The following HSD17B4 variants were observed in gnomAD, a reference collection of about 807,000 sequenced individuals.
HSD17B4 encodes the protein hydroxysteroid 17-beta dehydrogenase 4.
Under a neutral mutation model 101.0 loss-of-function variants are expected in HSD17B4, and 70 were observed. The ratio of observed to expected loss-of-function variants is 0.69; its 90% CI spans 0.57 to 0.85. The LOEUF (loss-of-function observed/expected upper bound fraction) is 0.85. HSD17B4 is among the 40% of genes least tolerant of loss of function. The pLI, the probability that HSD17B4 is intolerant of heterozygous loss-of-function variation, is 0.00. For synonymous variants in HSD17B4, 347 were observed against 297.1 expected (o/e 1.17, Z -1.73); for missense variants, 984 against 892.4 (o/e 1.10, Z -1.31).
intron 4 of HSD17B4, among the ~76,000 whole-genome samples, chr5:119,475,184 A>T (rs1423324296): frequency 2.0e-5 from 3 of 152,160 alleles, no homozygotes; most frequent in East Asian, 1.9e-4. Context: ...ATGTGAAATC[A>T]TAGGGTGAAA....
In HSD17B4 at chr5:119,506,735, G is replaced by C. The variant is rs542175501; in HGVS notation, c.1262-83G>C. 3.6e-5 allele frequency: 28 copies of C among 773,338 alleles called. No homozygotes were observed. In the Admixed American group the frequency reaches 4.7e-4, roughly 13 times the overall value. The allele number at this position is 773,338 out of a possible 1,614,324, so 47.9% of individuals were successfully genotyped here. On this transcript the variant is annotated intron_variant, in intron 14 of 23. Coordinates refer to ENST00000510025, the MANE Select transcript of HSD17B4 (RefSeq NM_000414.4). Reference sequence around the variant, plus strand: ...TTTTAGTTTTGCTGAGCTTACAGTGGAAATGCTATTAAATTCTTTCACATC... The same window carrying C: ...TTTTAGTTTTGCTGAGCTTACAGTGCAAATGCTATTAAATTCTTTCACATC...
At chr5:119,497,147 G>C (rs1003138234) in intron 12 of HSD17B4, among the ~76,000 whole-genome samples, 1 of 152,138 alleles carries the variant, frequency 6.6e-6, no homozygotes, top group Non-Finnish European at 1.5e-5. Flanking sequence ...GCTGCTGAAA[G>C]CTTATCATGA....
At chr5:119,496,465 T>A in intron 11 of HSD17B4, 78 bp from the exon 12 acceptor site, 4 of 820,962 alleles carry the variant, frequency 4.9e-6, no homozygotes, top group Non-Finnish European at 8.7e-6. Flanking sequence ...TAGGAATAAT[T>A]ATGTAGCATA....
At chr5:119,536,138 G>A (rs1308278444) in intron 22 of HSD17B4, 5 of 383,106 alleles carry the variant, frequency 1.3e-5, no homozygotes, top group Non-Finnish European at 2.5e-5. Flanking sequence ...GATCTTATAG[G>A]TGTCTATAAA....
At chr5:119,512,638 A>G (rs983023989) in intron 16 of HSD17B4, among the ~76,000 whole-genome samples, 3 of 152,230 alleles carry the variant, frequency 2.0e-5, no homozygotes, top group Non-Finnish European at 4.4e-5. Context: ...TAAATATAAA[A>G]TAAAGACATT....
chr5:119,542,225 T>C lies in HSD17B4; in HGVS notation c.*231T>C. The C allele has an allele frequency of 2.8e-6, 1 of 362,412 alleles. No individual in the cohort carries two copies. 22.4% of individuals were successfully genotyped at this position (362,412 alleles called of 1,614,324 possible). ...ATAATTATCCTTCTGTTCTTAGATC[T>C]GTATCTTCATAATAAAAAATTTTGC... is the stretch of plus-strand genomic sequence containing the variant. On this transcript the variant is annotated 3_prime_UTR_variant, in exon 24 of 24. Coordinates refer to ENST00000510025, the MANE Select transcript of HSD17B4 (RefSeq NM_000414.4).
At chr5:119,509,387 A>C (rs1751961040) in intron 16 of HSD17B4, 143 bp downstream of exon 16, 1 of 724,668 alleles carries the variant, frequency 1.4e-6, no homozygotes. Context: ...CTGGGACACC[A>C]AGACCAGTCC....
chr5:119,484,371 G>A (rs1313661459), intron 8 of HSD17B4, among the ~76,000 whole-genome samples: 1 of 152,036 alleles, frequency 6.6e-6, no homozygotes, highest in Non-Finnish European at 1.5e-5. Flanking sequence ...ATTGATCTGT[G>A]TGCCTGTCCT....
intron 11 of HSD17B4, 41 bp from the exon 12 acceptor site, chr5:119,496,502 A>T: frequency 9.4e-7 from 1 of 1,064,686 alleles, no homozygotes; most frequent in South Asian, 1.3e-5. Context: ...TCACATCTTT[A>T]ACAAAGCTTT....
intron 17 of HSD17B4, among the ~76,000 whole-genome samples, chr5:119,524,081 C>G (rs1753359047): frequency 6.6e-6 from 1 of 152,040 alleles, no homozygotes; most frequent in South Asian, 2.1e-4. Flanking sequence ...ATTTACTTCT[C>G]TTAGCATCTC....
At position 119,540,982 on chromosome 5, in the gene HSD17B4, T is replaced by A. The variant is rs73790888; in HGVS notation, c.2122-923T>A. Among the ~76,000 whole-genome samples, 391 of 152,342 alleles carry A rather than the reference T, an allele frequency of 2.6e-3. 2 individuals carry two copies. The highest frequency in any genetic ancestry group is 9.1e-3 in the African/African-American group (380 of 41,582). On this transcript the variant is annotated intron_variant, in intron 23 of 23. Transcript: ENST00000510025. ...TTATATTTGTGGAGCTGCTTTGTAA[T>A]GCTCAGTGTATGTAGGTATCACTAT... is the stretch of plus-strand genomic sequence containing the variant.
At chr5:119,479,097 A>G in intron 8 of HSD17B4, 76 bp downstream of exon 8, 1 of 1,034,282 alleles carries the variant, frequency 9.7e-7, no homozygotes. Context: ...AAAGTATTTA[A>G]TTTTCTGAAT....
intron 17 of HSD17B4, among the ~76,000 whole-genome samples, chr5:119,521,407 A>T (rs1753101030): frequency 6.6e-6 from 1 of 152,080 alleles, no homozygotes; most frequent in Non-Finnish European, 1.5e-5. Flanking sequence ...GGCCTTTTTA[A>T]TATGTATATT....
chr5:119,505,700 A>G (rs1006775466), intron 14 of HSD17B4, among the ~76,000 whole-genome samples: 1 of 151,884 alleles, frequency 6.6e-6, no homozygotes, highest in Admixed American at 6.6e-5. Flanking sequence ...GAAGAGAGAT[A>G]ATTTGACTTC....
At chr5:119,491,309 A>G (rs1160956730) in intron 9 of HSD17B4, among the ~76,000 whole-genome samples, 3 of 152,192 alleles carry the variant, frequency 2.0e-5, no homozygotes, top group Admixed American at 1.3e-4. Flanking sequence ...AGGATGATGA[A>G]AAGCCACACC....
intron 17 of HSD17B4, among the ~76,000 whole-genome samples, chr5:119,516,644 C>A (rs955915690): frequency 1.3e-5 from 2 of 152,022 alleles, no homozygotes; most frequent in African/African-American, 4.8e-5. Context: ...TATACCAGTT[C>A]CCTAAAAAAC....
intron 10 of HSD17B4, 157 bp from the exon 11 acceptor site, chr5:119,493,660 GA>G (rs1750319281): frequency 1.5e-6 from 1 of 682,782 alleles, no homozygotes. Flanking sequence ...GGTTTGTTGG[GA>G]AAAATTCATT....
chr5:119,486,135 A>C (rs944233197), intron 8 of HSD17B4, among the ~76,000 whole-genome samples: 1 of 152,144 alleles, frequency 6.6e-6, no homozygotes, highest in African/African-American at 2.4e-5. Context: ...TTGACATGGC[A>C]GCTGGCTTTC....
chr5:119,542,192 G>A lies in HSD17B4; in HGVS notation c.*198G>A, dbSNP rs929612108. 7.7e-6 allele frequency: 4 copies of A among 521,974 alleles called. No individual in the cohort carries two copies. Among genetic ancestry groups the A allele is most frequent in the Non-Finnish European group, 1.4e-5 (4 of 290,606 alleles). The allele number at this position is 521,974 out of a possible 1,614,324, so 32.3% of individuals were successfully genotyped here. A position where few individuals can be genotyped will look rare whatever the true frequency, so the allele number is the denominator to read the frequency against. On this transcript the variant is annotated 3_prime_UTR_variant, in exon 24 of 24. Transcript: ENST00000510025. ...TATTTTTACAAGGAACTATATATAA[G>A]CTAGCACATAATTATCCTTCTGTTC... is the stretch of plus-strand genomic sequence containing the variant.
Sources: gnomAD v4.1 joint callset for allele counts (sites outside exome capture counted in the v4.1 genomes callset) on GRCh38, gnomAD v4.1.1 for gene constraint, MANE v1.5 for transcripts, NCBI Gene and HGNC (gene_info 2026-07-23, HGNC 2026-07-21) for gene names.